COL4A5: variants seen among roughly 807,000 people sequenced by gnomAD.
COL4A5 encodes the protein collagen type IV alpha 5 chain, also known as collagen alpha-5(IV) chain.
In COL4A5, 26 loss-of-function variants were observed where a neutral mutation model predicts 130.2. The observed-to-expected ratio is 0.20, with a 90% CI of 0.15 to 0.28. The LOEUF (loss-of-function observed/expected upper bound fraction) is 0.28, where lower values mean the gene tolerates loss of function less well. Among genes scored for constraint, COL4A5 ranks in the 10% least tolerant of loss-of-function variants. The pLI, the probability that COL4A5 is intolerant of heterozygous loss-of-function variation, is 1.00. For synonymous variants in COL4A5, 496 were observed against 439.6 expected, an observed-to-expected ratio of 1.13 and a Z score of -1.60; for missense variants, 1,131 against 1,344.3, an observed-to-expected ratio of 0.84 and a Z score of 2.48.
rs781389764 is a variant in COL4A5, at chrX:108,652,371, A to C, written c.3247-2960A>C. ...ATCTCCAAATACAGATAAGGTTGTA[A>C]AAACATTAACAATTATGTGGGAACC... On this transcript the variant is annotated intron_variant, in intron 36 of 52. Coordinates refer to ENST00000328300, the MANE Select transcript of COL4A5 (RefSeq NM_033380.3). Among the ~76,000 whole-genome samples, 3 of 112,838 alleles carry C rather than the reference A, an allele frequency of 2.7e-5. No homozygotes were observed. The South Asian group carries it at 1.1e-3, about 41-fold the overall frequency.
intron 25 of COL4A5, among the ~76,000 whole-genome samples, chrX:108,600,187 C>CT (rs1270613487): frequency 8.9e-6 from 1 of 111,799 alleles, no homozygotes; most frequent in Non-Finnish European, 1.9e-5. Flanking sequence ...TGGATTATTT[C>CT]TTTTTTTATT....
At chrX:108,523,523 G>A (rs1168181908) in intron 1 of COL4A5, among the ~76,000 whole-genome samples, 2 of 112,220 alleles carry the variant, frequency 1.8e-5, no homozygotes, top group Non-Finnish European at 3.8e-5. Flanking sequence ...ATTGGAAAGT[G>A]TAAATCCTTC....
intron 6 of COL4A5, among the ~76,000 whole-genome samples, chrX:108,570,680 C>T (rs1456425645): frequency 9.0e-6 from 1 of 111,111 alleles, no homozygotes; most frequent in Non-Finnish European, 1.9e-5. Flanking sequence ...CCTACTTTTT[C>T]CATGTGTAAC....
chrX:108,581,083 TA>T (rs2066239907), intron 16 of COL4A5, 56 bp downstream of exon 16: 1 of 1,025,387 alleles, frequency 9.8e-7, no homozygotes, highest in African/African-American at 1.9e-5. Flanking sequence ...TGTGTTGGTA[TA>T]ACATAAGGTG....
chrX:108,451,204 A>G (rs1293701619), intron 1 of COL4A5, among the ~76,000 whole-genome samples: 2 of 111,139 alleles, frequency 1.8e-5, no homozygotes, highest in Admixed American at 1.9e-4. Flanking sequence ...ATAGTATTCC[A>G]TGGTGTATAT....
intron 36 of COL4A5, among the ~76,000 whole-genome samples, chrX:108,638,699 T>G (rs1233003700): frequency 8.9e-6 from 1 of 111,763 alleles, no homozygotes; most frequent in Non-Finnish European, 1.9e-5. Context: ...GGAAAATAGG[T>G]AGAACTAATA....
intron 29 of COL4A5, 129 bp from the exon 30 acceptor site, chrX:108,614,782 A>G: frequency 1.9e-6 from 1 of 517,376 alleles, no homozygotes; most frequent in Non-Finnish European, 3.5e-6. Flanking sequence ...TGCTCTTGAT[A>G]CTTATGTGTA....
chrX:108,651,634 G>A (rs1437788903), intron 36 of COL4A5, among the ~76,000 whole-genome samples: 1 of 111,415 alleles, frequency 9.0e-6, no homozygotes, highest in Non-Finnish European at 1.9e-5. Context: ...TTAGTATTTT[G>A]AGCCACCTGT....
chrX:108,492,886 T>A (rs1347548012), intron 1 of COL4A5, among the ~76,000 whole-genome samples: 1 of 111,275 alleles, frequency 9.0e-6, no homozygotes, highest in Non-Finnish European at 1.9e-5. Flanking sequence ...GGTCTCTGAC[T>A]TTAGATAAAA....
chrX:108,565,591 C>G (rs1159723029), intron 4 of COL4A5, among the ~76,000 whole-genome samples: 1 of 111,950 alleles, frequency 8.9e-6, no homozygotes, highest in African/African-American at 3.2e-5. Flanking sequence ...TGAAAGATGT[C>G]CTTTTACAAT....
intron 3 of COL4A5, among the ~76,000 whole-genome samples, chrX:108,562,182 A>G (rs1650713640): frequency 1.8e-5 from 2 of 112,050 alleles, no homozygotes; most frequent in South Asian, 3.7e-4. Context: ...ACTCCTCAAC[A>G]TATTGGAGCT....
intron 15 of COL4A5, 30 bp downstream of exon 15, chrX:108,580,768 C>CA: frequency 8.6e-7 from 1 of 1,162,750 alleles, no homozygotes; most frequent in Non-Finnish European, 1.2e-6. Flanking sequence ...ATATTCTTTG[C>CA]AAAAAAATTC....
chrX:108,630,080 C>T (rs962931210), intron 36 of COL4A5, among the ~76,000 whole-genome samples: 1 of 111,714 alleles, frequency 9.0e-6, no homozygotes, highest in African/African-American at 3.3e-5. Flanking sequence ...GGGTTGGTTC[C>T]AAGTCTTTGC....
intron 2 of COL4A5, among the ~76,000 whole-genome samples, chrX:108,551,356 T>C (rs1348253626): frequency 9.0e-6 from 1 of 111,265 alleles, no homozygotes; most frequent in Non-Finnish European, 1.9e-5. Flanking sequence ...CATGAACACA[T>C]ACGCCTCAAA....
chrX:108,625,423 C>T (rs769011523), intron 34 of COL4A5, among the ~76,000 whole-genome samples: 1 of 112,117 alleles, frequency 8.9e-6, no homozygotes, highest in Non-Finnish European at 1.9e-5. Flanking sequence ...GCAAATAGCA[C>T]TTCAGGTGAT....
At chrX:108,460,730 A>G (rs1354653578) in intron 1 of COL4A5, among the ~76,000 whole-genome samples, 1 of 90,804 alleles carries the variant, frequency 1.1e-5, no homozygotes, top group Non-Finnish European at 2.1e-5. Context: ...CTGGTCTCGA[A>G]CTCCTGACCT....
chrX:108,493,814 A>C (rs2065012444), intron 1 of COL4A5, among the ~76,000 whole-genome samples: 1 of 109,468 alleles, frequency 9.1e-6, no homozygotes, highest in African/African-American at 3.3e-5. Flanking sequence ...AAAGAAAAAA[A>C]AAAAAAAACG....
intron 1 of COL4A5, among the ~76,000 whole-genome samples, chrX:108,517,692 T>C (rs1427433079): frequency 8.9e-6 from 1 of 111,813 alleles, no homozygotes; most frequent in African/African-American, 3.2e-5. Flanking sequence ...TTTTCCAATT[T>C]AGATGATTAA....
intron 1 of COL4A5, among the ~76,000 whole-genome samples, chrX:108,519,700 T>G (rs2065249087): frequency 9.0e-6 from 1 of 111,648 alleles, no homozygotes; most frequent in South Asian, 3.7e-4. Flanking sequence ...CTATAGTTTC[T>G]AATTACATTT....
Sources: allele counts gnomAD v4.1 joint callset (sites outside exome capture counted in the v4.1 genomes callset), GRCh38; gene constraint gnomAD v4.1.1; transcripts MANE v1.5; gene names NCBI Gene and HGNC (gene_info 2026-07-23, HGNC 2026-07-21).